ZNF451: variants seen among roughly 807,000 people sequenced by gnomAD.
The protein encoded by ZNF451 is E3 SUMO-protein ligase ZNF451.
A neutral mutation model predicts 107.1 loss-of-function variants in ZNF451; 80 were observed. That is an observed-to-expected ratio of 0.75 (90% CI 0.62 to 0.90). ZNF451 has a LOEUF of 0.90. ZNF451 is among the 40% of genes least tolerant of loss of function. ZNF451 has a pLI of 0.00. For synonymous variants in ZNF451, 362 were observed against 406.5 expected (o/e 0.89, Z 1.32); for missense variants, 1,107 against 1,236.2 (o/e 0.90, Z 1.57).
At chr6:57,115,065 G>A (rs563012614) in intron 3 of ZNF451, 2 of 152,234 alleles carry the variant, frequency 1.3e-5, no homozygotes, top group Non-Finnish European at 2.9e-5. Context: ...TTCAAGTCCA[G>A]CTTGGGCAAT....
At chr6:57,106,717 C>G in intron 3 of ZNF451, 1 of 983,832 alleles carries the variant, frequency 1.0e-6, no homozygotes, top group African/African-American at 1.8e-5. Flanking sequence ...ATGTTAGTGG[C>G]TAGTCCAATA....
intron 7 of ZNF451, among the ~76,000 whole-genome samples, chr6:57,140,041 C>T (rs1226853074): frequency 1.3e-5 from 2 of 151,526 alleles, no homozygotes; most frequent in Non-Finnish European, 2.9e-5. Flanking sequence ...ATAAAGAAGA[C>T]TATAAACAAA....
rs1266510810 is a variant in ZNF451, at chr6:57,169,385, T to C, written c.*916T>C. 1 of 152,116 alleles carries C rather than the reference T, an allele frequency of 6.6e-6. No individual in the cohort carries two copies. The highest frequency in any genetic ancestry group is 1.5e-5 in the Non-Finnish European group (1 of 67,990). The allele number at this position is 152,116 out of a possible 1,614,324, so 9.4% of individuals were successfully genotyped here. Reference sequence around the variant, plus strand: ...ATTGTCAGTTTCCTTCATTTGGTATTACATATTTAATTCTTAAATATTGAG... The same window carrying C: ...ATTGTCAGTTTCCTTCATTTGGTATCACATATTTAATTCTTAAATATTGAG... On this transcript the variant is annotated 3_prime_UTR_variant, in exon 15 of 15. Coordinates refer to ENST00000370706, the MANE Select transcript of ZNF451 (RefSeq NM_001031623.3).
intron 4 of ZNF451, among the ~76,000 whole-genome samples, chr6:57,127,787 A>G (rs959044997): frequency 6.6e-6 from 1 of 152,210 alleles, no homozygotes; most frequent in African/African-American, 2.4e-5. Flanking sequence ...TTAGTGGCCA[A>G]AAAGTATTAA....
intron 3 of ZNF451, chr6:57,105,228 C>G: frequency 1.0e-6 from 1 of 985,344 alleles, no homozygotes; most frequent in Non-Finnish European, 1.2e-6. Context: ...GGAATAGTTG[C>G]AAGTTTAATG....
chr6:57,165,621 T>C (rs1247900618), intron 14 of ZNF451: 1 of 152,250 alleles, frequency 6.6e-6, no homozygotes, highest in African/African-American at 2.4e-5. Context: ...TTTGATGGGC[T>C]TTTAATAATT....
chr6:57,138,739 A>ATGTG (rs1243721592), intron 7 of ZNF451, among the ~76,000 whole-genome samples: 60 of 73,222 alleles, frequency 8.2e-4, no homozygotes, highest in East Asian at 1.3e-3. Context: ...ATATATATAT[A>ATGTG]TATGTGTGTG....
intron 3 of ZNF451, among the ~76,000 whole-genome samples, chr6:57,111,540 T>C (rs922952994): frequency 6.6e-6 from 1 of 151,928 alleles, no homozygotes; most frequent in African/African-American, 2.4e-5. Context: ...GCCACCATGC[T>C]CAACTAATTT....
At chr6:57,101,437 A>G (rs1773182492) in intron 3 of ZNF451, 1 of 1,550,812 alleles carries the variant, frequency 6.4e-7, no homozygotes, top group African/African-American at 1.4e-5. Flanking sequence ...TTTCCAACCA[A>G]ACCCACCAGC....
intron 5 of ZNF451, among the ~76,000 whole-genome samples, chr6:57,132,693 T>G (rs1437595708): frequency 6.6e-6 from 1 of 151,570 alleles, no homozygotes; most frequent in South Asian, 2.1e-4. Context: ...AAGAAAAGGA[T>G]TTTTTTTCCC....
chr6:57,107,343 A>G (rs1417705644), intron 3 of ZNF451: 5 of 984,584 alleles, frequency 5.1e-6, no homozygotes, highest in Non-Finnish European at 4.8e-6. Context: ...GTATATTTAA[A>G]TACCATGTCT....
chr6:57,148,700 C>T lies in ZNF451; in HGVS notation c.2608+7C>T, dbSNP rs773986770. On this transcript the variant is annotated splice_region_variant and intron_variant, in intron 10 of 14. Coordinates refer to ENST00000370706, the MANE Select transcript of ZNF451 (RefSeq NM_001031623.3). ...CTAAGCTATCAGAATATAGGTATGG[C>T]TTTATAGCTCTATGCAAATTTCATA... 2 of 1,572,076 alleles carry T rather than the reference C, an allele frequency of 1.3e-6. No individual in the cohort carries two copies. The highest frequency in any genetic ancestry group is 2.4e-5 in the South Asian group (2 of 84,334).
In ZNF451 at chr6:57,153,878, A is replaced by G; in HGVS notation, c.2901A>G (p.Glu967=). Residue 967 remains glutamate, a synonymous_variant, in exon 13 of 15, where the codon GAA becomes GAG. Coordinates refer to ENST00000370706, the MANE Select transcript of ZNF451 (RefSeq NM_001031623.3). ...TAACTTAGGCTGGCCGTCTAGATGA[A>G]CAACTACCCAAGCAAATTCCTTTCA... ...AICMHAGRLD[E]QLPKQIPFTI... 1 of 1,614,174 alleles carries G rather than the reference A, an allele frequency of 6.2e-7. No homozygotes were observed. The highest frequency in any genetic ancestry group is 1.1e-5 in the South Asian group (1 of 91,076).
At chr6:57,139,046 G>A (rs1040978225) in intron 7 of ZNF451, among the ~76,000 whole-genome samples, 2 of 151,992 alleles carry the variant, frequency 1.3e-5, no homozygotes, top group Non-Finnish European at 2.9e-5. Context: ...GATTTAATGA[G>A]TTTAGGGTTC....
chr6:57,130,230 C>A (rs1593129092), intron 5 of ZNF451, among the ~76,000 whole-genome samples: 2 of 152,218 alleles, frequency 1.3e-5, no homozygotes, highest in Admixed American at 1.3e-4. Flanking sequence ...GGCTCCAAAT[C>A]TGACTGTTAT....
chr6:57,106,662 C>A (rs1337631549), intron 3 of ZNF451: 1 of 981,290 alleles, frequency 1.0e-6, no homozygotes, highest in African/African-American at 1.8e-5. Flanking sequence ...CAGTCTCGCA[C>A]TGTTTAGGTT....
chr6:57,133,025 A>G lies in ZNF451; in HGVS notation c.425-17A>G, dbSNP rs747383154. 84 of 1,613,646 alleles carry G rather than the reference A, an allele frequency of 5.2e-5. No individual in the cohort carries two copies. The highest frequency in any genetic ancestry group is 5.0e-4 in the Middle Eastern group (3 of 6,060). ...ATCTGAAATAATAACCTAAGAATTCATATTCTGATGATGCAGGACTCAAAA... is the reference window on the plus strand; with the variant it reads ...ATCTGAAATAATAACCTAAGAATTCGTATTCTGATGATGCAGGACTCAAAA... On this transcript the variant is annotated splice_polypyrimidine_tract_variant and intron_variant, in intron 5 of 14. Coordinates refer to ENST00000370706, the MANE Select transcript of ZNF451 (RefSeq NM_001031623.3).
intron 7 of ZNF451, among the ~76,000 whole-genome samples, chr6:57,137,155 G>A (rs561042883): frequency 2.0e-5 from 3 of 152,286 alleles, no homozygotes; most frequent in African/African-American, 4.8e-5. Flanking sequence ...GTCACCACAA[G>A]GACTCTAAAG....
intron 9 of ZNF451, among the ~76,000 whole-genome samples, chr6:57,145,502 A>T (rs991941945): frequency 1.3e-5 from 2 of 152,072 alleles, no homozygotes; most frequent in African/African-American, 4.8e-5. Context: ...ATTCCACTCT[A>T]TATGTCCACG....
Sources: allele counts gnomAD v4.1 joint callset (sites outside exome capture counted in the v4.1 genomes callset), GRCh38; gene constraint gnomAD v4.1.1; transcripts MANE v1.5; gene names NCBI Gene and HGNC (gene_info 2026-07-23, HGNC 2026-07-21).